ZNF638: variants seen among roughly 807,000 people sequenced by gnomAD.
ZNF638 encodes zinc finger protein 638, also known as CTCL tumor antigen se33-1.
Under a neutral mutation model 195.6 loss-of-function variants are expected in ZNF638, and 46 were observed. The observed-to-expected ratio is 0.24, with a 90% confidence interval of 0.19 to 0.30. The LOEUF is 0.30. Ranked by LOEUF, ZNF638 falls within the 10% of genes least tolerant of loss-of-function variation. The pLI, the probability that ZNF638 is intolerant of heterozygous loss-of-function variation, is 1.00. For synonymous variants in ZNF638, 845 were observed against 772.0 expected, an observed-to-expected ratio of 1.09 and a Z score of -1.57; for missense variants, 2,440 against 2,325.3, an observed-to-expected ratio of 1.05 and a Z score of -1.01.
intron 20 of ZNF638, chr2:71,408,669 G>A (rs760799845): frequency 2.6e-6 from 1 of 384,786 alleles, no homozygotes; most frequent in South Asian, 2.1e-5. Context: ...ACAGGTTCTT[G>A]GCCTACACAG....
chr2:71,387,075 C>T (rs974384035), intron 10 of ZNF638, among the ~76,000 whole-genome samples: 2 of 151,932 alleles, frequency 1.3e-5, no homozygotes, highest in Non-Finnish European at 2.9e-5. Context: ...TTTTAAATTA[C>T]ATAAGCTGAT....
chr2:71,394,874 G>A (rs569959569), intron 10 of ZNF638, among the ~76,000 whole-genome samples: 1 of 152,286 alleles, frequency 6.6e-6, no homozygotes, highest in East Asian at 1.9e-4. Context: ...TTGCACATCT[G>A]CAAGCCCTCG....
chr2:71,418,303 T>C (rs952158370), intron 20 of ZNF638: 4 of 227,532 alleles, frequency 1.8e-5, no homozygotes, highest in Admixed American at 5.6e-5. Flanking sequence ...ATTTATTGTT[T>C]AGGGAAAAGA....
intron 23 of ZNF638, among the ~76,000 whole-genome samples, chr2:71,425,950 C>T (rs546029163): frequency 3.3e-5 from 5 of 152,232 alleles, no homozygotes; most frequent in East Asian, 3.9e-4. Flanking sequence ...CCACCACGCC[C>T]GGCCTGTATT....
chr2:71,428,527 T>A lies in ZNF638; in HGVS notation c.5546-20T>A, dbSNP rs1249464532. The A allele has an allele frequency of 6.3e-7, 1 of 1,591,068 alleles. No homozygotes were observed. Among genetic ancestry groups the A allele is most frequent in the Admixed American group, 1.7e-5 (1 of 59,170 alleles). ...TAAATACTGTTACTAGAGCAATAAA[T>A]TAGGACTTTCTTTTTAAAGCTAAAA... On this transcript the variant is annotated intron_variant, in intron 24 of 27. Coordinates refer to ENST00000264447, the MANE Select transcript of ZNF638 (RefSeq NM_014497.5).
At chr2:71,404,154 C>T (rs1236810347) in intron 17 of ZNF638, among the ~76,000 whole-genome samples, 156 bp downstream of exon 17, 1 of 152,178 alleles carries the variant, frequency 6.6e-6, no homozygotes, top group Admixed American at 6.5e-5. Context: ...CCCAGTCACC[C>T]ATCCCACTGT....
chr2:71,396,655 A>G (rs1018649262), intron 11 of ZNF638, among the ~76,000 whole-genome samples: 1 of 152,220 alleles, frequency 6.6e-6, no homozygotes, highest in Admixed American at 6.5e-5. Flanking sequence ...GTATTAAATT[A>G]TCTTTCAAGC....
intron 20 of ZNF638, among the ~76,000 whole-genome samples, chr2:71,417,721 C>T (rs934648279): frequency 6.6e-6 from 1 of 151,324 alleles, no homozygotes; most frequent in Admixed American, 6.6e-5. Context: ...AGTAAACACT[C>T]TCTGTAATTG....
intron 11 of ZNF638, 64 bp from the exon 12 acceptor site, chr2:71,398,637 G>T (rs13424541): frequency 7.2e-6 from 9 of 1,248,072 alleles, no homozygotes; most frequent in South Asian, 6.0e-5. Flanking sequence ...TCTCTGTGAG[G>T]TTCTTTGGAG....
At position 71,396,226 on chromosome 2, in the gene ZNF638, T is replaced by A. The variant is rs374159552; in HGVS notation, c.2428+35T>A. 7.7e-6 allele frequency: 12 copies of A among 1,558,962 alleles called. No homozygotes were observed. The African/African-American group carries it at 1.2e-4, about 16-fold the overall frequency. Reference sequence around the variant, plus strand: ...TTTAATTAGGATTCTAGACTATTAGTTAAAACTTTAATGTATTTTAAAATC... The same window carrying A: ...TTTAATTAGGATTCTAGACTATTAGATAAAACTTTAATGTATTTTAAAATC... On this transcript the variant is annotated intron_variant, in intron 11 of 27. Coordinates refer to ENST00000264447, the MANE Select transcript of ZNF638 (RefSeq NM_014497.5).
chr2:71,433,141 T>C, intron 26 of ZNF638, 24 bp from the exon 27 acceptor site: 1 of 1,445,606 alleles, frequency 6.9e-7, no homozygotes, highest in Non-Finnish European at 9.7e-7. Context: ...GTTAATTTTC[T>C]TCTTGTCTCT....
intron 20 of ZNF638, among the ~76,000 whole-genome samples, chr2:71,414,412 C>T (rs545393948): frequency 5.9e-5 from 1 of 16,958 alleles, no homozygotes; most frequent in Admixed American, 6.2e-4. Flanking sequence ...TTTTGTTGAT[C>T]CTTTCAAAAA....
intron 27 of ZNF638, among the ~76,000 whole-genome samples, 177 bp from the exon 28 acceptor site, chr2:71,434,565 T>G (rs1425667946): frequency 6.6e-6 from 1 of 152,210 alleles, no homozygotes; most frequent in Non-Finnish European, 1.5e-5. Flanking sequence ...ATACCTGGTG[T>G]GTCATAAACA....
rs1305659370 is a variant in ZNF638, at chr2:71,418,643, T to C, written c.3299+4T>C. 4 of 1,552,650 alleles carry C rather than the reference T, an allele frequency of 2.6e-6. No homozygotes were observed. Among genetic ancestry groups the C allele is most frequent in the Non-Finnish European group, 3.5e-6 (4 of 1,148,494 alleles). On this transcript the variant is annotated splice_donor_region_variant and intron_variant, in intron 21 of 27. Coordinates refer to ENST00000264447, the MANE Select transcript of ZNF638 (RefSeq NM_014497.5). ...ACCCAGAATTAGAAAAAGAAAGGTA[T>C]GTTGCTTTATGTTTACTAACACTTT...
At position 71,380,301 on chromosome 2, in the gene ZNF638, A is replaced by G. The variant is rs375165333; in HGVS notation, c.2324+21A>G. 2.2e-5 allele frequency: 33 copies of G among 1,507,114 alleles called. No homozygotes were observed. The African/African-American group carries it at 4.3e-4, about 19-fold the overall frequency. The allele number at this position is 1,507,114 out of a possible 1,614,324, so 93.4% of individuals were successfully genotyped here. ...TTAAAGTAAGTGACTTTATGATTTC[A>G]TATGTGAGAATGAAATGTGCATATG... On this transcript the variant is annotated intron_variant, in intron 9 of 27. Coordinates refer to ENST00000264447, the MANE Select transcript of ZNF638 (RefSeq NM_014497.5).
intron 1 of ZNF638, chr2:71,334,626 T>A (rs1386907827): frequency 1.3e-5 from 2 of 152,210 alleles, no homozygotes; most frequent in Non-Finnish European, 1.5e-5. Flanking sequence ...CACACAACTG[T>A]AATAATGCGG....
At chr2:71,364,576 T>TAA (rs1230181702) in intron 5 of ZNF638, among the ~76,000 whole-genome samples, 9 of 152,236 alleles carry the variant, frequency 5.9e-5, no homozygotes, top group Admixed American at 1.3e-4. Flanking sequence ...ATGTTGATTT[T>TAA]ATGACCCTTT....
chr2:71,381,506 G>T (rs997533189), intron 10 of ZNF638, among the ~76,000 whole-genome samples: 1 of 152,058 alleles, frequency 6.6e-6, no homozygotes, highest in Non-Finnish European at 1.5e-5. Flanking sequence ...AAAATGTGGA[G>T]GCAGAAGATT....
chr2:71,383,305 G>C (rs2079567209), intron 10 of ZNF638, among the ~76,000 whole-genome samples: 1 of 152,078 alleles, frequency 6.6e-6, no homozygotes. Flanking sequence ...ACAAGAGCGA[G>C]ACTCCACCTC....
Sources: allele counts gnomAD v4.1 joint callset (sites outside exome capture counted in the v4.1 genomes callset), GRCh38; gene constraint gnomAD v4.1.1; transcripts MANE v1.5; gene names NCBI Gene and HGNC (gene_info 2026-07-23, HGNC 2026-07-21).